The following DLG2 variants were observed in gnomAD, a reference collection of about 807,000 sequenced individuals.
DLG2 encodes the protein discs large MAGUK scaffold protein 2.
A neutral mutation model predicts 132.5 loss-of-function variants in DLG2; 45 were observed. The observed-to-expected ratio is 0.34, with a 90% CI of 0.27 to 0.44. The LOEUF (loss-of-function observed/expected upper bound fraction) is 0.44, where lower values mean the gene tolerates loss of function less well. Among genes scored for constraint, DLG2 ranks in the 20% least tolerant of loss-of-function variants. DLG2 has a pLI of 1.00. For synonymous variants in DLG2, 424 were observed against 419.6 expected (o/e 1.01, Z -0.13); for missense variants, 1,045 against 1,196.9 (o/e 0.87, Z 1.87).
intron 14 of DLG2, among the ~76,000 whole-genome samples, chr11:83,957,478 T>C (rs2087181796): frequency 6.6e-6 from 1 of 151,970 alleles, no homozygotes; most frequent in Non-Finnish European, 1.5e-5. Context: ...ATTGCTACCC[T>C]CACTTCAGTC....
intron 15 of DLG2, among the ~76,000 whole-genome samples, chr11:83,924,584 A>G (rs1398487117): frequency 3.9e-5 from 6 of 152,132 alleles, no homozygotes. Flanking sequence ...CAACCCTACC[A>G]TTCATCTCCC....
At chr11:84,785,173 G>A (rs915506570) in intron 6 of DLG2, among the ~76,000 whole-genome samples, 2 of 151,788 alleles carry the variant, frequency 1.3e-5, no homozygotes, top group African/African-American at 4.8e-5. Context: ...TGTCTCTTAC[G>A]TTTCTTTTAA....
At chr11:83,717,782 G>A (rs1350461551) in intron 18 of DLG2, among the ~76,000 whole-genome samples, 1 of 152,224 alleles carries the variant, frequency 6.6e-6, no homozygotes, top group Non-Finnish European at 1.5e-5. Flanking sequence ...CAGTGTGGTA[G>A]GAGGCACTGT....
chr11:84,794,271 G>A (rs2074256278), intron 6 of DLG2, among the ~76,000 whole-genome samples: 1 of 152,238 alleles, frequency 6.6e-6, no homozygotes, highest in Non-Finnish European at 1.5e-5. Flanking sequence ...TTAAAAGAGT[G>A]TAACGGGATT....
chr11:84,167,284 C>T (rs1222994901), intron 8 of DLG2, among the ~76,000 whole-genome samples: 2 of 152,102 alleles, frequency 1.3e-5, no homozygotes, highest in Admixed American at 1.3e-4. Context: ...TGTAGCCTTC[C>T]TAGAATCATA....
chr11:83,951,123 T>C (rs575409780), intron 14 of DLG2, among the ~76,000 whole-genome samples: 10 of 152,108 alleles, frequency 6.6e-5, no homozygotes, highest in Non-Finnish European at 1.5e-4. Context: ...GCATTTAAAT[T>C]AGATACAGTA....
At chr11:84,599,825 A>C (rs2154531981) in intron 6 of DLG2, among the ~76,000 whole-genome samples, 1 of 152,204 alleles carries the variant, frequency 6.6e-6, no homozygotes, top group East Asian at 1.9e-4. Flanking sequence ...TGAGCCCAGG[A>C]GTTCAAGATC....
Position 83,815,380 on chromosome 11 carries a change from C to A in DLG2, c.1722+18234G>T, listed in dbSNP as rs1261403178. The A allele has an allele frequency of 3.9e-5, 6 of 152,532 alleles. No individual in the cohort carries two copies. In the East Asian group the frequency reaches 1.1e-3, roughly 29 times the overall value. The allele number at this position is 152,532 out of a possible 1,614,324, so 9.4% of individuals were successfully genotyped here. A position where few individuals can be genotyped will look rare whatever the true frequency, so the allele number is the denominator to read the frequency against. The stretch of plus-strand genomic sequence containing the variant: ...CTGATCCAGTTCTTATAATGGAGAC[C>A]TTACTGTGGTGAATAACCTCCTCTG... On this transcript the variant is annotated intron_variant, in intron 17 of 27. Coordinates refer to ENST00000376104, the MANE Select transcript of DLG2 (RefSeq NM_001142699.3).
intron 4 of DLG2, among the ~76,000 whole-genome samples, chr11:85,275,911 G>C (rs1161580292): frequency 1.3e-5 from 2 of 148,948 alleles, no homozygotes; most frequent in African/African-American, 4.9e-5. Context: ...CTCCCCAAGG[G>C]AAAAAAAAAA....
intron 6 of DLG2, among the ~76,000 whole-genome samples, chr11:84,647,937 A>T (rs573423400): frequency 5.9e-5 from 9 of 152,308 alleles, no homozygotes; most frequent in Admixed American, 5.2e-4. Flanking sequence ...TGTGATAGTT[A>T]TGGTGCTTAG....
chr11:84,142,319 C>CAAAAAA (rs71066094), intron 9 of DLG2, among the ~76,000 whole-genome samples: 1 of 86,884 alleles, frequency 1.2e-5, no homozygotes. Flanking sequence ...GAATCCATCT[C>CAAAAAA]AAAAAAAAAA....
intron 11 of DLG2, among the ~76,000 whole-genome samples, chr11:84,051,517 C>A (rs1045561392): frequency 1.3e-5 from 2 of 150,906 alleles, no homozygotes; most frequent in Non-Finnish European, 1.5e-5. Flanking sequence ...AGCAAACTAT[C>A]GCAAGGACAA....
At chr11:84,231,087 T>C (rs1597973327) in intron 8 of DLG2, among the ~76,000 whole-genome samples, 1 of 152,206 alleles carries the variant, frequency 6.6e-6, no homozygotes, top group East Asian at 1.9e-4. Context: ...CTTCAACCAA[T>C]GGATGAATTG....
chr11:84,806,187 A>G (rs2153966296), intron 6 of DLG2, among the ~76,000 whole-genome samples: 1 of 152,332 alleles, frequency 6.6e-6, no homozygotes, highest in East Asian at 1.9e-4. Context: ...CTGTAGCATT[A>G]TTTAAAAAAT....
intron 3 of DLG2, among the ~76,000 whole-genome samples, chr11:85,583,555 A>C (rs571297735): frequency 4.6e-5 from 7 of 152,204 alleles, no homozygotes; most frequent in Admixed American, 4.6e-4. Context: ...ACACAGTCTA[A>C]GAAGTTCTGT....
chr11:83,464,605 A>G (rs2090659473), intron 26 of DLG2, among the ~76,000 whole-genome samples: 1 of 152,240 alleles, frequency 6.6e-6, no homozygotes, highest in African/African-American at 2.4e-5. Flanking sequence ...AGCCTTTAGT[A>G]CATTTAACTT....
intron 6 of DLG2, among the ~76,000 whole-genome samples, chr11:84,756,929 A>G (rs1473164961): frequency 6.6e-6 from 1 of 152,178 alleles, no homozygotes; most frequent in Non-Finnish European, 1.5e-5. Flanking sequence ...ACAACTCCCA[A>G]TGAGATAAAT....
At chr11:84,770,849 G>A (rs886641977) in intron 6 of DLG2, among the ~76,000 whole-genome samples, 2 of 150,934 alleles carry the variant, frequency 1.3e-5, no homozygotes, top group Non-Finnish European at 2.9e-5. Flanking sequence ...GGGTTTCACC[G>A]TGTTAGCCAG....
intron 3 of DLG2, among the ~76,000 whole-genome samples, chr11:85,547,264 G>T (rs1436867928): frequency 6.6e-6 from 1 of 152,122 alleles, no homozygotes; most frequent in Non-Finnish European, 1.5e-5. Context: ...GCTTAGTTTG[G>T]CTGGATATGA....
Sources: gnomAD v4.1 joint callset for allele counts (sites outside exome capture counted in the v4.1 genomes callset) on GRCh38, gnomAD v4.1.1 for gene constraint, MANE v1.5 for transcripts, NCBI Gene and HGNC (gene_info 2026-07-23, HGNC 2026-07-21) for gene names.